KHDC1: variants seen among roughly 807,000 people sequenced by gnomAD.
KHDC1 encodes the protein KH domain containing 1, also known as KH homology domain-containing protein 1.
Under a neutral mutation model 24.7 loss-of-function variants are expected in KHDC1, and 21 were observed. The observed-to-expected ratio is 0.85, with a 90% CI of 0.60 to 1.23. KHDC1 has a LOEUF of 1.23. Ranked by LOEUF, KHDC1 falls within the 50% of genes most tolerant of loss-of-function variation. The pLI, the probability that KHDC1 is intolerant of heterozygous loss-of-function variation, is 0.00. For synonymous variants in KHDC1, 98 were observed against 111.7 expected (o/e 0.88, Z 0.77); for missense variants, 274 against 298.5 (o/e 0.92, Z 0.61).
chr6:73,258,199 G>A (rs762149962), intron 2 of KHDC1, among the ~76,000 whole-genome samples: 2 of 152,218 alleles, frequency 1.3e-5, no homozygotes, highest in Non-Finnish European at 2.9e-5. Flanking sequence ...AGGTTGCAGT[G>A]AGCTGAGATC....
chr6:73,244,176 A>C (rs770532279), intron 2 of KHDC1, among the ~76,000 whole-genome samples: 5 of 152,200 alleles, frequency 3.3e-5, no homozygotes, highest in Non-Finnish European at 7.3e-5. Context: ...AACTCACTCC[A>C]TATTACGCTA....
At chr6:73,266,303 T>C (rs1166465569) in intron 2 of KHDC1, among the ~76,000 whole-genome samples, 1 of 152,226 alleles carries the variant, frequency 6.6e-6, no homozygotes, top group Non-Finnish European at 1.5e-5. Context: ...TAACCAACAT[T>C]TGTTGAGCTT....
chr6:73,247,844 A>G (rs867805815), intron 2 of KHDC1, among the ~76,000 whole-genome samples: 16 of 139,128 alleles, frequency 1.2e-4, no homozygotes, highest in Middle Eastern at 3.7e-3. Flanking sequence ...AAATAGAGCA[A>G]GACTCTGTCT....
rs74562538 is a variant in KHDC1, at chr6:73,242,390, G to A, written c.331+16C>T. 0.22 allele frequency: 352,281 copies of A among 1,611,324 alleles called. 46,446 individuals carry two copies. Among genetic ancestry groups the A allele is most frequent in the African/African-American group, 0.63 (47,271 of 74,698 alleles). ...AGACAAGGATGAAGAAGGGGACGTGGGCAAAGGCCACTCACCGAAGATGAG... is the reference window on the plus strand; with the variant it reads ...AGACAAGGATGAAGAAGGGGACGTGAGCAAAGGCCACTCACCGAAGATGAG... On this transcript the variant is annotated intron_variant, in intron 3 of 4. Transcript: ENST00000370384.
At chr6:73,295,086 G>C (rs1318695235) in intron 1 of KHDC1, among the ~76,000 whole-genome samples, 1 of 151,964 alleles carries the variant, frequency 6.6e-6, no homozygotes, top group Non-Finnish European at 1.5e-5. Flanking sequence ...CCGGGAGTTG[G>C]ATGTTGCCAT....
Position 73,308,784 on chromosome 6 carries a change from C to T in KHDC1, c.163+768G>A, listed in dbSNP as rs922487382. Among the ~76,000 whole-genome samples the T allele has an allele frequency of 1.8e-4, 27 of 152,094 alleles. 1 individual carries two copies. Among genetic ancestry groups the T allele is most frequent in the Admixed American group, 1.6e-3 (25 of 15,254 alleles). ...TACTGGGATTGCAGGTGTCAGCCAC[C>T]GCACCCGGTAGAGTTTTTTGCTGTT... On this transcript the variant is annotated intron_variant, in intron 1 of 4. Coordinates refer to ENST00000370384, the Ensembl canonical transcript of KHDC1.
chr6:73,251,361 T>A (rs1192026508), intron 2 of KHDC1, among the ~76,000 whole-genome samples: 1 of 152,176 alleles, frequency 6.6e-6, no homozygotes, highest in Non-Finnish European at 1.5e-5. Context: ...GATATTTCTA[T>A]CAAACCTGAG....
chr6:73,279,364 C>T (rs557551072), intron 2 of KHDC1, among the ~76,000 whole-genome samples: 6 of 152,030 alleles, frequency 3.9e-5, no homozygotes, highest in African/African-American at 1.2e-4. Context: ...GCCAAGATCG[C>T]GCTCCAGCCT....
Position 73,302,404 on chromosome 6 carries a change from G to A in KHDC1, c.163+7148C>T, listed in dbSNP as rs547799474. Among the ~76,000 whole-genome samples the A allele has an allele frequency of 2.0e-5, 3 of 152,304 alleles. No homozygotes were observed. In the South Asian group the frequency reaches 6.2e-4, roughly 32 times the overall value. On this transcript the variant is annotated intron_variant, in intron 1 of 4. Transcript: ENST00000370384. ...CACTGTTAGGAGATTTCATAGTTGT[G>A]CAAACATTATAGAGTGTACTTACAC...
In KHDC1 at chr6:73,280,191, C is replaced by G. The variant is rs185570584; in HGVS notation, c.206+11807G>C. Among the ~76,000 whole-genome samples the G allele has an allele frequency of 3.0e-4, 45 of 152,268 alleles. No individual in the cohort carries two copies. In the East Asian group the frequency reaches 4.8e-3, roughly 16 times the overall value. ...ATTTATTTTTGAGGAGACAGTCTCACTGTCACCCAGGTTGGAGTGCAATGG... is the reference window on the plus strand; with the variant it reads ...ATTTATTTTTGAGGAGACAGTCTCAGTGTCACCCAGGTTGGAGTGCAATGG... On this transcript the variant is annotated intron_variant, in intron 2 of 4. Coordinates refer to ENST00000370384, the Ensembl canonical transcript of KHDC1.
chr6:73,293,571 G>A (rs1464010719), intron 1 of KHDC1, among the ~76,000 whole-genome samples: 3 of 152,042 alleles, frequency 2.0e-5, no homozygotes, highest in Non-Finnish European at 4.4e-5. Context: ...CTTGAGGCCA[G>A]GAGTTTGAGA....
chr6:73,266,646 G>A (rs574383889), intron 2 of KHDC1, among the ~76,000 whole-genome samples: 1 of 152,272 alleles, frequency 6.6e-6, no homozygotes, highest in South Asian at 2.1e-4. Context: ...AGACCTAAAT[G>A]TAAAACTGTT....
intron 1 of KHDC1, among the ~76,000 whole-genome samples, chr6:73,308,537 C>G (rs1768017317): frequency 6.7e-6 from 1 of 149,826 alleles, no homozygotes; most frequent in Non-Finnish European, 1.5e-5. Context: ...TGGACAGGGT[C>G]TCACTCCGAT....
intron 2 of KHDC1, among the ~76,000 whole-genome samples, chr6:73,255,125 T>C (rs1407003848): frequency 6.6e-6 from 1 of 151,322 alleles, no homozygotes; most frequent in Non-Finnish European, 1.5e-5. Context: ...TCAATAAAGA[T>C]ATATATTCAA....
At chr6:73,271,112 A>C (rs1183966039) in intron 2 of KHDC1, among the ~76,000 whole-genome samples, 1 of 152,214 alleles carries the variant, frequency 6.6e-6, no homozygotes, top group Non-Finnish European at 1.5e-5. Flanking sequence ...TTAGTCGGTC[A>C]CAATCAATAC....
intron 2 of KHDC1, among the ~76,000 whole-genome samples, chr6:73,286,707 C>T (rs1453974135): frequency 6.6e-6 from 1 of 152,000 alleles, no homozygotes; most frequent in Non-Finnish European, 1.5e-5. Flanking sequence ...CATGGTGAAA[C>T]CCTGTCTCTA....
intron 2 of KHDC1, chr6:73,268,586 C>G (rs1405414691): frequency 1.3e-5 from 2 of 152,194 alleles, no homozygotes; most frequent in Admixed American, 6.5e-5. Context: ...AATCCCTGAG[C>G]TAGACATAAA....
chr6:73,297,738 G>C (rs1406227766), intron 1 of KHDC1, among the ~76,000 whole-genome samples: 2 of 152,096 alleles, frequency 1.3e-5, no homozygotes, highest in African/African-American at 4.8e-5. Context: ...GAAAATGCAA[G>C]CAGGAATACA....
chr6:73,263,352 G>T, intron 2 of KHDC1, 156 bp from the exon 1 acceptor site: 1 of 909,946 alleles, frequency 1.1e-6, no homozygotes, highest in Non-Finnish European at 1.3e-6. Context: ...GTGGGAGGAG[G>T]GACGAGCCAG....
Sources: gnomAD v4.1 joint callset for allele counts (sites outside exome capture counted in the v4.1 genomes callset) on GRCh38, gnomAD v4.1.1 for gene constraint, MANE v1.5 for transcripts, NCBI Gene and HGNC (gene_info 2026-07-23, HGNC 2026-07-21) for gene names.